XRCC4: variants seen among roughly 807,000 people sequenced by gnomAD.
The protein encoded by XRCC4 is X-ray repair cross complementing 4.
XRCC4 carries 28 observed loss-of-function variants against 39.1 expected under a neutral mutation model. The ratio of observed to expected loss-of-function variants is 0.72; its 90% CI spans 0.53 to 0.98. The LOEUF is 0.98. XRCC4 is among the 50% of genes least tolerant of loss of function. The pLI, the probability that XRCC4 is intolerant of heterozygous loss-of-function variation, is 0.00. For synonymous variants in XRCC4, 123 were observed against 126.4 expected, an observed-to-expected ratio of 0.97 and a Z score of 0.18; for missense variants, 350 against 376.4, an observed-to-expected ratio of 0.93 and a Z score of 0.58.
intron 7 of XRCC4, among the ~76,000 whole-genome samples, chr5:83,303,875 C>A (rs1487578047): frequency 6.6e-6 from 1 of 152,012 alleles, no homozygotes; most frequent in Non-Finnish European, 1.5e-5. Context: ...AGATGCATGG[C>A]AAATAAGGGA....
intron 3 of XRCC4, among the ~76,000 whole-genome samples, chr5:83,119,774 C>T (rs1746909917): frequency 6.6e-6 from 1 of 151,948 alleles, no homozygotes; most frequent in Non-Finnish European, 1.5e-5. Flanking sequence ...GAGTTCAAGA[C>T]CAGCCTGGAC....
At chr5:83,297,010 G>A (rs1486286251) in intron 7 of XRCC4, among the ~76,000 whole-genome samples, 1 of 151,818 alleles carries the variant, frequency 6.6e-6, no homozygotes, top group Non-Finnish European at 1.5e-5. Context: ...CAAAAACCTT[G>A]AGCAAATAAA....
chr5:83,327,880 C>T (rs947672805), intron 7 of XRCC4, among the ~76,000 whole-genome samples: 2 of 152,092 alleles, frequency 1.3e-5, no homozygotes, highest in African/African-American at 4.8e-5. Flanking sequence ...ATGATCACTA[C>T]TTCCATTCCA....
chr5:83,126,600 A>G (rs7718278), intron 3 of XRCC4, among the ~76,000 whole-genome samples: 70,126 of 151,986 alleles, frequency 0.46, 17,008 homozygotes, highest in African/African-American at 0.58. Flanking sequence ...ACTGTGGGGT[A>G]TAAGCTGCTA....
chr5:83,187,940 T>C lies in XRCC4; in HGVS notation c.316-7830T>C, dbSNP rs1315091456. On this transcript the variant is annotated intron_variant, in intron 3 of 7. Coordinates refer to ENST00000396027, the MANE Select transcript of XRCC4 (RefSeq NM_003401.5). The stretch of plus-strand genomic sequence containing the variant: ...GACAATAGATACATTTTGGGAGAAG[T>C]TTTGCAATGACAGGAGCAGAAAAAT... Among the ~76,000 whole-genome samples, 4 of 152,226 alleles carry C rather than the reference T, an allele frequency of 2.6e-5. No individual in the cohort carries two copies. In the East Asian group the frequency reaches 7.7e-4, roughly 29 times the overall value.
intron 7 of XRCC4, among the ~76,000 whole-genome samples, chr5:83,330,520 T>A (rs1392891579): frequency 1.3e-5 from 2 of 152,018 alleles, no homozygotes; most frequent in Non-Finnish European, 2.9e-5. Context: ...TAGGTATATG[T>A]ATACATGTAA....
intron 6 of XRCC4, among the ~76,000 whole-genome samples, chr5:83,223,184 A>G (rs1752153145): frequency 6.6e-6 from 1 of 152,112 alleles, no homozygotes; most frequent in Non-Finnish European, 1.5e-5. Context: ...GTAAATGTCA[A>G]GTCTATTTGG....
chr5:83,206,342 G>A (rs1751421965), intron 6 of XRCC4, among the ~76,000 whole-genome samples: 1 of 152,166 alleles, frequency 6.6e-6, no homozygotes, highest in African/African-American at 2.4e-5. Flanking sequence ...GGTGTGCTTA[G>A]AGGCAGCAGG....
chr5:83,299,076 C>T (rs966695917), intron 7 of XRCC4, among the ~76,000 whole-genome samples: 1 of 151,934 alleles, frequency 6.6e-6, no homozygotes, highest in Non-Finnish European at 1.5e-5. Flanking sequence ...TTTACATTTG[C>T]ATGAAGTACA....
At chr5:83,120,539 A>C (rs534143753) in intron 3 of XRCC4, among the ~76,000 whole-genome samples, 1 of 152,384 alleles carries the variant, frequency 6.6e-6, no homozygotes, top group South Asian at 2.1e-4. Context: ...GAATGGAACT[A>C]TGCAGTGTGT....
intron 3 of XRCC4, among the ~76,000 whole-genome samples, chr5:83,133,047 G>C (rs182679569): frequency 7.2e-5 from 11 of 152,136 alleles, no homozygotes; most frequent in Admixed American, 1.3e-4. Flanking sequence ...TTTGGTAATG[G>C]TGATGTACAG....
chr5:83,206,072 G>A (rs1751409682), intron 6 of XRCC4, among the ~76,000 whole-genome samples: 1 of 152,078 alleles, frequency 6.6e-6, no homozygotes, highest in African/African-American at 2.4e-5. Flanking sequence ...TCACGTGTAG[G>A]GCGATATAGG....
intron 7 of XRCC4, among the ~76,000 whole-genome samples, chr5:83,315,417 A>G (rs1755845462): frequency 6.6e-6 from 1 of 152,190 alleles, no homozygotes; most frequent in South Asian, 2.1e-4. Flanking sequence ...AATTGATGAC[A>G]GTGGCTACAC....
chr5:83,137,306 ATAAT>A (rs761349151), intron 3 of XRCC4, among the ~76,000 whole-genome samples: 121 of 152,130 alleles, frequency 8.0e-4, no homozygotes, highest in Non-Finnish European at 1.4e-3. Flanking sequence ...AAATTATATA[ATAAT>A]TAGACTTAAC....
In XRCC4 at chr5:83,276,357, C is replaced by T. The variant is rs1205486739; in HGVS notation, c.893+17680C>T. Among the ~76,000 whole-genome samples, 3 of 150,046 alleles carry T rather than the reference C, an allele frequency of 2.0e-5. No individual in the cohort carries two copies. In the East Asian group the frequency reaches 6.5e-4, roughly 33 times the overall value. ...TCCAAAATCCATGATGAAATTTAAT[C>T]CCAAATGTGTCAGTATTGAGAGGTG... On this transcript the variant is annotated intron_variant, in intron 7 of 7. Coordinates refer to ENST00000396027, the MANE Select transcript of XRCC4 (RefSeq NM_003401.5).
At chr5:83,367,755 ATTT>A in the XRCC4 span, among the ~76,000 whole-genome samples, 6 of 142,358 alleles carry the variant, frequency 4.2e-5, no homozygotes, top group South Asian at 4.5e-4. Context: ...TACCCAGCTA[ATTT>A]TTTTTTTTTT....
chr5:83,107,482 T>C (rs1746252667), intron 2 of XRCC4, among the ~76,000 whole-genome samples: 2 of 151,934 alleles, frequency 1.3e-5, no homozygotes, highest in Admixed American at 1.3e-4. Flanking sequence ...AGTTTTCTTT[T>C]AATCTCCCCT....
At chr5:83,370,476 C>T in the XRCC4 span, among the ~76,000 whole-genome samples, 2 of 152,292 alleles carry the variant, frequency 1.3e-5, no homozygotes, top group Admixed American at 1.3e-4. Context: ...CATTTCTTTA[C>T]TTATCTCTGA....
chr5:83,205,912 A>G (rs1289300935), intron 6 of XRCC4, among the ~76,000 whole-genome samples: 2 of 152,108 alleles, frequency 1.3e-5, no homozygotes, highest in Non-Finnish European at 2.9e-5. Flanking sequence ...CATGCCAAAC[A>G]GAAAACAAAA....
Sources: gnomAD v4.1 joint callset for allele counts (sites outside exome capture counted in the v4.1 genomes callset) on GRCh38, gnomAD v4.1.1 for gene constraint, MANE v1.5 for transcripts, NCBI Gene and HGNC (gene_info 2026-07-23, HGNC 2026-07-21) for gene names.